Variants in ANKRD30B observed in about 807,000 individuals in gnomAD.
ANKRD30B encodes the protein ankyrin repeat domain 30B.
A neutral mutation model predicts 202.2 loss-of-function variants in ANKRD30B; 144 were observed. The observed-to-expected ratio is 0.71, with a 90% CI of 0.62 to 0.82. The LOEUF (loss-of-function observed/expected upper bound fraction) is 0.82, where lower values mean the gene tolerates loss of function less well. Ranked by LOEUF, ANKRD30B falls within the 40% of genes least tolerant of loss-of-function variation. ANKRD30B has a pLI of 0.00. For synonymous variants in ANKRD30B, 508 were observed against 561.3 expected, an observed-to-expected ratio of 0.91 and a Z score of 1.34; for missense variants, 1,487 against 1,669.1, an observed-to-expected ratio of 0.89 and a Z score of 1.90.
rs1218587672 is a variant in ANKRD30B at position 14,828,264 on chromosome 18, C to T, written c.2744-14C>T. The T allele has an allele frequency of 6.6e-7, 1 of 1,523,766 alleles. No homozygotes were observed. The highest frequency in any genetic ancestry group is 1.4e-5 in the African/African-American group (1 of 71,308). The allele number at this position is 1,523,766 out of a possible 1,614,324, so 94.4% of individuals were successfully genotyped here. ...ATTTGTTGATTTAATGTATTTTACT[C>T]TTTTCTTTAATAGAGGATGTGAGTT... On this transcript the variant is annotated splice_polypyrimidine_tract_variant and intron_variant, in intron 32 of 43. Transcript: ENST00000690538.
chr18:14,792,301 G>A (rs1293428728), intron 16 of ANKRD30B, among the ~76,000 whole-genome samples: 3 of 152,104 alleles, frequency 2.0e-5, no homozygotes, highest in Non-Finnish European at 2.9e-5. Context: ...TGGGTAGAAG[G>A]TCAGGACAGA....
chr18:14,870,931 C>T, the ANKRD30B span, among the ~76,000 whole-genome samples: 1 of 151,640 alleles, frequency 6.6e-6, no homozygotes, highest in African/African-American at 2.4e-5. Context: ...CCCAAACATT[C>T]ATCCAGCCCC....
chr18:14,755,984 C>T (rs1914292973), intron 4 of ANKRD30B, among the ~76,000 whole-genome samples: 1 of 152,216 alleles, frequency 6.6e-6, no homozygotes, highest in African/African-American at 2.4e-5. Context: ...GCCACACCGA[C>T]TTCCACAATG....
In ANKRD30B at chr18:14,807,468, G is replaced by T. The variant is rs1201174641; in HGVS notation, c.2285-1083G>T. ...AACCATTATTCTAACATTGAAATAT[G>T]CAGGTTAATGATATGTAAAAAGTCT... On this transcript the variant is annotated intron_variant, in intron 24 of 43. Transcript: ENST00000690538. Among the ~76,000 whole-genome samples, 4 of 148,884 alleles carry T rather than the reference G, an allele frequency of 2.7e-5. No homozygotes were observed. In the East Asian group the frequency reaches 7.8e-4, roughly 29 times the overall value.
At chr18:14,758,421 T>C (rs1914715137) in intron 5 of ANKRD30B, among the ~76,000 whole-genome samples, 1 of 152,204 alleles carries the variant, frequency 6.6e-6, no homozygotes, top group Admixed American at 6.5e-5. Flanking sequence ...ATTCTGTTGC[T>C]GCGCCGTTGC....
rs140108919 is a variant in ANKRD30B at position 14,769,261 on chromosome 18, C to T, written c.1226-82C>T. 418 of 1,087,936 alleles carry T rather than the reference C, an allele frequency of 3.8e-4. 4 individuals are homozygous for T. In the African/African-American group the frequency reaches 6.0e-3, roughly 16 times the overall value. The allele number at this position is 1,087,936 out of a possible 1,614,324, so 67.4% of individuals were successfully genotyped here. A position where few individuals can be genotyped will look rare whatever the true frequency, so the allele number is the denominator to read the frequency against. ...AGCTGGGATTACAGGCATTTGCCAT[C>T]GTGCCCTCTTACGTTGTTAATACTC... On this transcript the variant is annotated intron_variant, in intron 7 of 43. Coordinates refer to ENST00000690538, the MANE Select transcript of ANKRD30B (RefSeq NM_001367607.2).
At chr18:14,877,738 A>C in the ANKRD30B span, 3 of 152,322 alleles carry the variant, frequency 2.0e-5, no homozygotes, top group East Asian at 5.8e-4. Context: ...AATCTGGTGA[A>C]GCCACAGAAG....
chr18:14,868,950 A>G, the ANKRD30B span, among the ~76,000 whole-genome samples: 10 of 152,238 alleles, frequency 6.6e-5, no homozygotes, highest in Admixed American at 6.5e-4. Context: ...GTGTGAAGGC[A>G]AAAAGGTTTC....
chr18:14,846,887 G>A (rs1310453124), intron 39 of ANKRD30B, among the ~76,000 whole-genome samples: 1 of 151,432 alleles, frequency 6.6e-6, no homozygotes, highest in Non-Finnish European at 1.5e-5. Context: ...CTGCCTTTGA[G>A]CAGAGGTTTT....
At chr18:14,785,756 A>G (rs894352963) in intron 14 of ANKRD30B, among the ~76,000 whole-genome samples, 7 of 152,292 alleles carry the variant, frequency 4.6e-5, no homozygotes, top group African/African-American at 1.7e-4. Context: ...AGGGATGCTG[A>G]GATCACAGGT....
At chr18:14,843,160 A>G in intron 39 of ANKRD30B, 64 bp downstream of exon 39, 1 of 1,394,498 alleles carries the variant, frequency 7.2e-7, no homozygotes, top group Non-Finnish European at 9.5e-7. Context: ...TAATAGTCTC[A>G]TCTCCCCAAT....
chr18:14,929,375 C>A, the ANKRD30B span, among the ~76,000 whole-genome samples: 1 of 152,146 alleles, frequency 6.6e-6, no homozygotes, highest in Non-Finnish European at 1.5e-5. Flanking sequence ...CCTGTAGAAC[C>A]ATTCACTCAT....
the ANKRD30B span, among the ~76,000 whole-genome samples, chr18:14,871,313 ACGC>A: frequency 7.6e-6 from 1 of 131,498 alleles, no homozygotes; most frequent in African/African-American, 3.0e-5. Flanking sequence ...ACCAATTCCC[ACGC>A]TCTTGGCAGG....
intron 22 of ANKRD30B, among the ~76,000 whole-genome samples, chr18:14,799,744 AGT>A (rs58820145): frequency 0.019 from 2,797 of 150,122 alleles, 54 homozygotes; most frequent in Non-Finnish European, 0.019. Flanking sequence ...TAGGTGACTG[AGT>A]GTGTGTGTGT....
the ANKRD30B span, among the ~76,000 whole-genome samples, chr18:14,917,719 G>A: frequency 6.6e-6 from 1 of 152,214 alleles, no homozygotes; most frequent in Admixed American, 6.5e-5. Context: ...TCAGGGATGA[G>A]ACCTGGCACA....
chr18:14,764,329 A>G (rs1201999719), intron 7 of ANKRD30B, among the ~76,000 whole-genome samples: 6 of 152,190 alleles, frequency 3.9e-5, no homozygotes, highest in Non-Finnish European at 8.8e-5. Flanking sequence ...AATCATAGGA[A>G]CCAAAGTTGT....
chr18:14,897,226 G>A, the ANKRD30B span, among the ~76,000 whole-genome samples: 8 of 152,162 alleles, frequency 5.3e-5, no homozygotes, highest in Non-Finnish European at 1.0e-4. Flanking sequence ...AATAGTGAGA[G>A]GGTGGAAAAA....
At chr18:14,870,992 C>T in the ANKRD30B span, among the ~76,000 whole-genome samples, 13 of 142,188 alleles carry the variant, frequency 9.1e-5, no homozygotes, top group Non-Finnish European at 1.7e-4. Context: ...CACTCTCACC[C>T]GCCCACCCCC....
intron 9 of ANKRD30B, among the ~76,000 whole-genome samples, chr18:14,775,419 G>C (rs960566315): frequency 4.6e-5 from 7 of 152,178 alleles, no homozygotes; most frequent in African/African-American, 1.4e-4. Context: ...TGGATTCAGG[G>C]AGAAAGAGTT....
Sources: gnomAD v4.1 joint callset for allele counts (sites outside exome capture counted in the v4.1 genomes callset) on GRCh38, gnomAD v4.1.1 for gene constraint, MANE v1.5 for transcripts, NCBI Gene and HGNC (gene_info 2026-07-23, HGNC 2026-07-21) for gene names.